The following IQSEC1 variants were observed in gnomAD, a reference collection of about 807,000 sequenced individuals.
IQSEC1 encodes IQ motif and Sec7 domain ArfGEF 1, also known as IQ motif and SEC7 domain-containing protein 1.
Under a neutral mutation model 91.0 loss-of-function variants are expected in IQSEC1, and 31 were observed. The ratio of observed to expected loss-of-function variants is 0.34; its 90% CI spans 0.26 to 0.46. The LOEUF (loss-of-function observed/expected upper bound fraction) is 0.46. Ranked by LOEUF, IQSEC1 falls within the 20% of genes least tolerant of loss-of-function variation. The pLI is 1.00. For synonymous variants in IQSEC1, 699 were observed against 662.6 expected, an observed-to-expected ratio of 1.05 and a Z score of -0.84; for missense variants, 1,388 against 1,575.6, an observed-to-expected ratio of 0.88 and a Z score of 2.02.
chr3:13,130,922 CA>C (rs71066945), intron 2 of IQSEC1, among the ~76,000 whole-genome samples: 209 of 111,156 alleles, frequency 1.9e-3, no homozygotes, highest in African/African-American at 2.7e-3. Flanking sequence ...GACCATGTGT[CA>C]AAAAAAAAAA....
intron 1 of IQSEC1, among the ~76,000 whole-genome samples, chr3:13,013,093 T>C (rs1702963119): frequency 6.8e-6 from 1 of 146,340 alleles, no homozygotes; most frequent in Non-Finnish European, 1.5e-5. Flanking sequence ...CCCAAGTAGC[T>C]GGGATTACCG....
rs1220185512 is a variant in IQSEC1 at position 12,967,963 on chromosome 3, C to T, written c.24-26098G>A. 6.6e-6 allele frequency among the ~76,000 whole-genome samples: 1 copy of T among 152,108 alleles called. No individual in the cohort carries two copies. Among genetic ancestry groups the T allele is most frequent in the Non-Finnish European group, 1.5e-5 (1 of 67,980 alleles). ...CGGGGCCGAGCCGAGGCGCGGGGTG[C>T]AGAGCGCAAGGGCGGAGTCCCAGAC... On this transcript the variant is annotated intron_variant, in intron 1 of 13. Transcript: ENST00000613206. This position sits in a 1 kb window ranked among gnomAD's most constrained non-coding sequence, Gnocchi z 5.9.
chr3:12,955,690 A>C (rs1184119274), intron 1 of IQSEC1, among the ~76,000 whole-genome samples: 1 of 152,226 alleles, frequency 6.6e-6, no homozygotes, highest in Admixed American at 6.5e-5. Context: ...CAGCCTTTAA[A>C]GAGAGGGGCT....
At chr3:13,052,622 C>T (rs1438791003) in intron 1 of IQSEC1, among the ~76,000 whole-genome samples, 2 of 152,234 alleles carry the variant, frequency 1.3e-5, no homozygotes, top group Non-Finnish European at 2.9e-5. Flanking sequence ...AACTGCCAAA[C>T]TGTTTTTCAG....
intron 1 of IQSEC1, among the ~76,000 whole-genome samples, chr3:12,957,703 G>C (rs1576041131): frequency 6.6e-6 from 1 of 152,236 alleles, no homozygotes; most frequent in Non-Finnish European, 1.5e-5. Context: ...GCCAGGGCCT[G>C]TGGTGGGGCC....
chr3:12,998,298 C>G (rs1702296351), intron 1 of IQSEC1, among the ~76,000 whole-genome samples: 1 of 152,136 alleles, frequency 6.6e-6, no homozygotes, highest in Non-Finnish European at 1.5e-5. Context: ...CTGCACTAAG[C>G]TGTGATCACT....
chr3:13,120,818 C>T (rs763383954), intron 2 of IQSEC1, among the ~76,000 whole-genome samples: 3 of 152,176 alleles, frequency 2.0e-5, no homozygotes. Flanking sequence ...GACAGAGGGC[C>T]AAACCGGTCA....
At chr3:12,929,181 A>G (rs967489621) in intron 3 of IQSEC1, among the ~76,000 whole-genome samples, 6 of 152,206 alleles carry the variant, frequency 3.9e-5, no homozygotes, top group Non-Finnish European at 5.9e-5. Flanking sequence ...GTGTGTCTGT[A>G]TAATGGGGAT....
intron 1 of IQSEC1, among the ~76,000 whole-genome samples, chr3:13,179,013 T>C (rs1156495481): frequency 6.6e-6 from 1 of 152,246 alleles, no homozygotes; most frequent in African/African-American, 2.4e-5. Flanking sequence ...TTCATCATGA[T>C]GGCTTCCTTG....
intron 1 of IQSEC1, among the ~76,000 whole-genome samples, chr3:13,271,974 C>T (rs1218091205): frequency 3.3e-5 from 5 of 152,274 alleles, no homozygotes; most frequent in East Asian, 1.9e-4. Flanking sequence ...GTCCACCCAA[C>T]AGCAGAAAAC....
At chr3:13,204,688 C>T (rs958164573) in intron 1 of IQSEC1, among the ~76,000 whole-genome samples, 1 of 152,242 alleles carries the variant, frequency 6.6e-6, no homozygotes, top group African/African-American at 2.4e-5. Context: ...GCTCGGGTCC[C>T]TGTCCTGCGC....
chr3:13,236,939 T>C lies in IQSEC1; in HGVS notation c.272+45772A>G, dbSNP rs139257702. On this transcript the variant is annotated intron_variant, in intron 1 of 15. Transcript: ENST00000648114. The stretch of plus-strand genomic sequence containing the variant: ...GGTTTTGAAGGCTGCTCTGCTTGTC[T>C]GAGGCCGAGGGCCCGGCCCGGGCGC... Among the ~76,000 whole-genome samples the C allele has an allele frequency of 2.6e-3, 389 of 152,338 alleles. 3 individuals are homozygous for C. The highest frequency in any genetic ancestry group is 8.7e-3 in the African/African-American group (363 of 41,578).
rs763033732 is a variant in IQSEC1, at chr3:12,920,563, C to T, written c.1887G>A (p.Val629=). 6.2e-6 allele frequency: 10 copies of T among 1,614,174 alleles called. No homozygotes were observed. The highest frequency in any genetic ancestry group is 8.5e-6 in the Non-Finnish European group (10 of 1,180,040). Reference sequence around the variant, plus strand: ...TGGTGTCTGGGTTCCGGAATTGCCGCACCACCCCAGGGTTGCAGATGCAGT... The same window carrying T: ...TGGTGTCTGGGTTCCGGAATTGCCGTACCACCCCAGGGTTGCAGATGCAGT... ...QRYCICNPGV[V]RQFRNPDTIF... The change falls in exon 6 of 14, where the codon GTG becomes GTA. Residue 629 remains valine (V), a synonymous_variant. Coordinates refer to ENST00000613206, the MANE Select transcript of IQSEC1 (RefSeq NM_001134382.3).
intron 1 of IQSEC1, among the ~76,000 whole-genome samples, chr3:13,057,142 G>A (rs771163906): frequency 2.3e-4 from 35 of 152,148 alleles, no homozygotes; most frequent in Non-Finnish European, 4.7e-4. Context: ...TATCCTGACT[G>A]CAATGTGCTC....
chr3:13,266,846 C>T (rs570148820), intron 1 of IQSEC1, among the ~76,000 whole-genome samples: 1 of 152,258 alleles, frequency 6.6e-6, no homozygotes, highest in Admixed American at 6.5e-5. Context: ...CTTATCTCAG[C>T]CCCCAAAACG....
intron 1 of IQSEC1, among the ~76,000 whole-genome samples, chr3:13,251,414 G>T (rs889276796): frequency 6.6e-6 from 1 of 152,214 alleles, no homozygotes; most frequent in African/African-American, 2.4e-5. Context: ...AACTGGAACA[G>T]TTCTGGCTCA....
chr3:13,137,907 A>C (rs1299993141), intron 2 of IQSEC1, among the ~76,000 whole-genome samples: 1 of 152,232 alleles, frequency 6.6e-6, no homozygotes, highest in African/African-American at 2.4e-5. Context: ...ATCTGCAAAG[A>C]AAAAAAGAGG....
upstream of IQSEC1, among the ~76,000 whole-genome samples, chr3:13,073,601 G>C (rs568437273): frequency 2.1e-3 from 320 of 152,348 alleles, 1 homozygote; most frequent in Non-Finnish European, 3.9e-3. Context: ...GCGGGGCGCG[G>C]GGCGCCGGCC....
intron 2 of IQSEC1, among the ~76,000 whole-genome samples, chr3:13,131,158 G>A (rs1706609529): frequency 1.3e-5 from 2 of 152,092 alleles, no homozygotes; most frequent in Non-Finnish European, 1.5e-5. Context: ...TTTTGAGTGT[G>A]TTCTAACTTT....
Sources: allele counts gnomAD v4.1 joint callset (sites outside exome capture counted in the v4.1 genomes callset), GRCh38; gene constraint gnomAD v4.1.1; non-coding constraint Gnocchi (gnomAD v3.1); transcripts MANE v1.5; gene names NCBI Gene and HGNC (gene_info 2026-07-23, HGNC 2026-07-21).